RTL4: variants seen among roughly 807,000 people sequenced by gnomAD.
The protein encoded by RTL4 is retrotransposon Gag-like protein 4.
Under a neutral mutation model 5.3 loss-of-function variants are expected in RTL4, and 4 were observed. The ratio of observed to expected loss-of-function variants is 0.75; its 90% CI spans 0.37 to 1.72. RTL4 has a LOEUF of 1.72. Ranked by LOEUF, RTL4 falls within the 40% of genes most tolerant of loss-of-function variation. The pLI is 0.04. For synonymous variants in RTL4, 98 were observed against 87.3 expected, an observed-to-expected ratio of 1.12 and a Z score of -0.68; for missense variants, 260 against 227.1, an observed-to-expected ratio of 1.14 and a Z score of -0.93.
chrX:112,297,363 G>A, the RTL4 span, among the ~76,000 whole-genome samples: 28 of 111,610 alleles, frequency 2.5e-4, no homozygotes, highest in Non-Finnish European at 4.1e-4. Flanking sequence ...AAACATGACT[G>A]GGGAGGCCTC....
At chrX:112,171,770 T>C in the RTL4 span, among the ~76,000 whole-genome samples, 1 of 112,147 alleles carries the variant, frequency 8.9e-6, no homozygotes, top group African/African-American at 3.2e-5. Flanking sequence ...GAAGAAAATC[T>C]AAGCAATACC....
chrX:112,444,443 T>C, the RTL4 span, among the ~76,000 whole-genome samples: 1 of 112,060 alleles, frequency 8.9e-6, no homozygotes, highest in Non-Finnish European at 1.9e-5. Flanking sequence ...TGTGGTTTCA[T>C]GTAAAATTTA....
chrX:112,260,811 C>T, the RTL4 span, among the ~76,000 whole-genome samples: 1 of 111,790 alleles, frequency 8.9e-6, no homozygotes, highest in African/African-American at 3.2e-5. Context: ...CATTCTCAGA[C>T]ATTTCTCTTT....
At chrX:112,356,160 A>G in the RTL4 span, among the ~76,000 whole-genome samples, 1 of 111,410 alleles carries the variant, frequency 9.0e-6, no homozygotes, top group Non-Finnish European at 1.9e-5. Flanking sequence ...TAATTTAAAC[A>G]TTGTTATAAA....
At chrX:112,086,003 T>G in the RTL4 span, among the ~76,000 whole-genome samples, 3 of 111,581 alleles carry the variant, frequency 2.7e-5, no homozygotes, top group African/African-American at 9.8e-5. Context: ...TAAGACATAA[T>G]CCCAGCCTTC....
the RTL4 span, among the ~76,000 whole-genome samples, chrX:112,379,567 T>C: frequency 8.9e-6 from 1 of 112,236 alleles, no homozygotes; most frequent in Admixed American, 9.4e-5. Flanking sequence ...GAGGGGGTAA[T>C]AGCAAACCTC....
At chrX:112,436,549 A>C in the RTL4 span, among the ~76,000 whole-genome samples, 1 of 112,269 alleles carries the variant, frequency 8.9e-6, no homozygotes, top group African/African-American at 3.2e-5. Flanking sequence ...TTCTGAAAGC[A>C]AATATGATTT....
At chrX:112,190,144 CTTTCTT>C in the RTL4 span, among the ~76,000 whole-genome samples, 1 of 28,706 alleles carries the variant, frequency 3.5e-5, no homozygotes, top group Non-Finnish European at 6.3e-5. Flanking sequence ...CTGTCCCTTT[CTTTCTT>C]TCTTTCTTTC....
At chrX:112,289,725 G>T in the RTL4 span, among the ~76,000 whole-genome samples, 1 of 111,359 alleles carries the variant, frequency 9.0e-6, no homozygotes, top group Non-Finnish European at 1.9e-5. Context: ...CCATGTGACT[G>T]GGCTACTTTA....
chrX:112,085,467 T>C, the RTL4 span, among the ~76,000 whole-genome samples: 4 of 112,321 alleles, frequency 3.6e-5, no homozygotes, highest in African/African-American at 1.3e-4. Flanking sequence ...AGAGAAACTG[T>C]TATGAGGAAT....
the RTL4 span, chrX:112,320,537 A>G: frequency 3.6e-5 from 4 of 111,119 alleles, no homozygotes; most frequent in African/African-American, 1.3e-4. Context: ...TTGAAAAAGA[A>G]CATCAAGTAA....
chrX:112,339,791 A>G, the RTL4 span, among the ~76,000 whole-genome samples: 1 of 112,877 alleles, frequency 8.9e-6, no homozygotes, highest in Non-Finnish European at 1.9e-5. Context: ...GAGAAGAGAC[A>G]AGAGTAGGTA....
At chrX:112,237,845 C>G in the RTL4 span, among the ~76,000 whole-genome samples, 91 of 111,893 alleles carry the variant, frequency 8.1e-4, no homozygotes, top group Non-Finnish European at 1.4e-3. Flanking sequence ...ATTCAGAGAG[C>G]CAAATGATGC....
the RTL4 span, among the ~76,000 whole-genome samples, chrX:112,177,993 A>C: frequency 9.1e-6 from 1 of 109,962 alleles, no homozygotes; most frequent in African/African-American, 3.3e-5. Flanking sequence ...TCAACAGCAA[A>C]GTTTGGCCTG....
chrX:112,371,891 G>A, the RTL4 span, among the ~76,000 whole-genome samples: 2 of 111,513 alleles, frequency 1.8e-5, no homozygotes, highest in South Asian at 7.4e-4. Flanking sequence ...CTTCAATTTT[G>A]TCTAATTTTA....
chrX:112,295,663 T>C, the RTL4 span, among the ~76,000 whole-genome samples: 1 of 112,462 alleles, frequency 8.9e-6, no homozygotes, highest in African/African-American at 3.2e-5. Flanking sequence ...TCCGGGGCAT[T>C]ATGACCAATC....
the RTL4 span, among the ~76,000 whole-genome samples, chrX:112,287,288 ACTC>A: frequency 2.7e-5 from 3 of 111,151 alleles, no homozygotes; most frequent in African/African-American, 9.8e-5. Flanking sequence ...TAAGGAAAAA[ACTC>A]CTGACCAAAA....
the RTL4 span, among the ~76,000 whole-genome samples, chrX:112,218,053 G>A: frequency 2.7e-5 from 3 of 112,023 alleles, no homozygotes; most frequent in Non-Finnish European, 5.6e-5. Flanking sequence ...GGTATAGGAA[G>A]AGTCAGGGTA....
At chrX:112,258,555 T>G in the RTL4 span, among the ~76,000 whole-genome samples, 4 of 111,863 alleles carry the variant, frequency 3.6e-5, no homozygotes, top group African/African-American at 1.3e-4. Flanking sequence ...CGTATGTCCA[T>G]GTTGTTCACT....
Sources: allele counts gnomAD v4.1 joint callset (sites outside exome capture counted in the v4.1 genomes callset), GRCh38; gene constraint gnomAD v4.1.1; transcripts MANE v1.5; gene names NCBI Gene and HGNC (gene_info 2026-07-23, HGNC 2026-07-21).